ERGIC1: variants seen among roughly 807,000 people sequenced by gnomAD.
ERGIC1 encodes endoplasmic reticulum-Golgi intermediate compartment protein 1.
Under a neutral mutation model 38.3 loss-of-function variants are expected in ERGIC1, and 19 were observed. The observed-to-expected ratio is 0.50, with a 90% CI of 0.35 to 0.73. The LOEUF is 0.73. Ranked by LOEUF, ERGIC1 falls within the 30% of genes least tolerant of loss-of-function variation. ERGIC1 has a pLI of 0.01. For synonymous variants in ERGIC1, 124 were observed against 157.6 expected (o/e 0.79, Z 1.60); for missense variants, 294 against 389.2 (o/e 0.76, Z 2.06).
At chr5:172,865,019 A>T (rs912913434) in intron 1 of ERGIC1, among the ~76,000 whole-genome samples, 1 of 151,830 alleles carries the variant, frequency 6.6e-6, no homozygotes, top group African/African-American at 2.4e-5. Flanking sequence ...CAAATGAAGG[A>T]ATCAAATATC....
rs117280721 is a variant in ERGIC1 at position 172,842,852 on chromosome 5, G to A, written c.20+8419G>A. ...ACATTTTTTGTGCTTTTTAAAATTG[G>A]AGGGTTTTTGGCCAGGCATGGTGAC... On this transcript the variant is annotated intron_variant, in intron 1 of 9. Transcript: ENST00000393784. Among the ~76,000 whole-genome samples, 156 of 152,234 alleles carry A rather than the reference G, an allele frequency of 1.0e-3. 4 individuals are homozygous for A. In the East Asian group the frequency reaches 0.028, roughly 27 times the overall value.
intron 3 of ERGIC1, chr5:172,905,999 T>G: frequency 2.2e-6 from 1 of 452,992 alleles, no homozygotes; most frequent in Non-Finnish European, 4.4e-6. Flanking sequence ...AGAAGCCCGG[T>G]GTTTAAAGGT....
At chr5:172,903,968 TACACACAC>T (rs70984919) in intron 3 of ERGIC1, among the ~76,000 whole-genome samples, 26 of 150,402 alleles carry the variant, frequency 1.7e-4, no homozygotes, top group Non-Finnish European at 3.0e-4. Context: ...GTCTCACACA[TACACACAC>T]ACACACACAC....
intron 1 of ERGIC1, among the ~76,000 whole-genome samples, chr5:172,853,598 C>G (rs1025914630): frequency 6.6e-6 from 1 of 152,228 alleles, no homozygotes; most frequent in African/African-American, 2.4e-5. Context: ...AATGCAGATT[C>G]CCATCTCCCC....
chr5:172,949,001 C>T (rs1365520108), intron 9 of ERGIC1, among the ~76,000 whole-genome samples: 1 of 152,160 alleles, frequency 6.6e-6, no homozygotes, highest in Non-Finnish European at 1.5e-5. Context: ...CTGTGGTGAG[C>T]TATGATCACC....
chr5:172,928,139 A>G (rs1763697648), intron 7 of ERGIC1, among the ~76,000 whole-genome samples: 1 of 152,212 alleles, frequency 6.6e-6, no homozygotes, highest in South Asian at 2.1e-4. Context: ...AAATGTCTGC[A>G]GCTACGATGG....
At chr5:172,884,033 T>C (rs973134108) in intron 1 of ERGIC1, among the ~76,000 whole-genome samples, 4 of 152,172 alleles carry the variant, frequency 2.6e-5, no homozygotes, top group Non-Finnish European at 5.9e-5. Context: ...GCACAGTTAC[T>C]CTTTCCATTT....
intron 1 of ERGIC1, among the ~76,000 whole-genome samples, chr5:172,849,792 A>G (rs762530110): frequency 6.6e-6 from 1 of 152,158 alleles, no homozygotes; most frequent in Non-Finnish European, 1.5e-5. Flanking sequence ...TCTGCACTCA[A>G]CTTGTTTCTG....
chr5:172,877,857 G>A (rs999027641), intron 1 of ERGIC1, among the ~76,000 whole-genome samples: 4 of 152,138 alleles, frequency 2.6e-5, no homozygotes, highest in Non-Finnish European at 5.9e-5. Flanking sequence ...CAGGCCCTGC[G>A]TGACCCACAG....
At chr5:172,857,671 T>C (rs1761586783) in intron 1 of ERGIC1, among the ~76,000 whole-genome samples, 1 of 141,218 alleles carries the variant, frequency 7.1e-6, no homozygotes, top group South Asian at 2.3e-4. Flanking sequence ...CATGGCCACG[T>C]GGTCATGGAA....
In ERGIC1 at chr5:172,834,546, C is replaced by A; in HGVS notation, c.20+113C>A. The A allele has an allele frequency of 1.9e-6, 2 of 1,061,772 alleles. No homozygotes were observed. Among genetic ancestry groups the A allele is most frequent in the Non-Finnish European group, 2.4e-6 (2 of 838,014 alleles). The allele number at this position is 1,061,772 out of a possible 1,614,324, so 65.8% of individuals were successfully genotyped here. A position where few individuals can be genotyped will look rare whatever the true frequency, so the allele number is the denominator to read the frequency against. ...TGCAAAAGCGGCTCCCCGCCCTGTG[C>A]ATGCCTCCGCAGGCCCCTAGGGACC... On this transcript the variant is annotated intron_variant, in intron 1 of 9. Coordinates refer to ENST00000393784, the MANE Select transcript of ERGIC1 (RefSeq NM_001031711.3). The surrounding 1 kb of genome is among the most constrained non-coding windows in gnomAD (Gnocchi z 4.1).
At chr5:172,919,866 A>G (rs1335150180) in intron 5 of ERGIC1, among the ~76,000 whole-genome samples, 1 of 152,182 alleles carries the variant, frequency 6.6e-6, no homozygotes, top group Non-Finnish European at 1.5e-5. Flanking sequence ...AGTCTTTGAA[A>G]GGCTCACACC....
At chr5:172,914,039 A>AGCCTG (rs1398085984) in intron 4 of ERGIC1, among the ~76,000 whole-genome samples, 3 of 152,044 alleles carry the variant, frequency 2.0e-5, no homozygotes. Flanking sequence ...GTTCAAGACC[A>AGCCTG]GCCTGGCCAA....
intron 1 of ERGIC1, among the ~76,000 whole-genome samples, chr5:172,858,326 G>A (rs565735175): frequency 4.6e-5 from 7 of 152,320 alleles, no homozygotes; most frequent in East Asian, 3.9e-4. Context: ...ATAAAACACC[G>A]TAAGGAGTTT....
chr5:172,904,855 G>A (rs1432757149), intron 3 of ERGIC1, among the ~76,000 whole-genome samples: 1 of 152,182 alleles, frequency 6.6e-6, no homozygotes, highest in Non-Finnish European at 1.5e-5. Flanking sequence ...CACAGCCTGG[G>A]GCCCTCCAGG....
intron 9 of ERGIC1, among the ~76,000 whole-genome samples, chr5:172,947,132 G>A (rs1203195226): frequency 1.3e-5 from 2 of 150,358 alleles, no homozygotes; most frequent in Non-Finnish European, 3.0e-5. Flanking sequence ...GCAGTGAGCC[G>A]AGGTCACCCC....
chr5:172,893,905 A>ATATATATG (rs1173039695), intron 2 of ERGIC1, among the ~76,000 whole-genome samples: 23 of 15,522 alleles, frequency 1.5e-3, no homozygotes, highest in Admixed American at 6.9e-3. Context: ...ATATATATAT[A>ATATATATG]TGTGTGTGTG....
At position 172,893,918 on chromosome 5, in the gene ERGIC1, T is replaced by TATACACAC. The variant is rs1162989475; in HGVS notation, c.83-3084_83-3083insATACACAC. On this transcript the variant is annotated intron_variant, in intron 2 of 9. Transcript: ENST00000393784. ...ATATATATATATATGTGTGTGTGTG[T>TATACACAC]GTGTGTGTGTGTGTGTGTATATATA... is the stretch of plus-strand genomic sequence containing the variant. Among the ~76,000 whole-genome samples, 77 of 82,910 alleles carry TATACACAC rather than the reference T, an allele frequency of 9.3e-4. 1 individual carries two copies. The highest frequency in any genetic ancestry group is 3.5e-3 in the African/African-American group (76 of 21,684). The allele number at this position is 82,910 out of a possible 152,430, so 54.4% of individuals were successfully genotyped here.
chr5:172,900,780 G>A (rs1286521298), intron 3 of ERGIC1, among the ~76,000 whole-genome samples: 1 of 152,042 alleles, frequency 6.6e-6, no homozygotes, highest in African/African-American at 2.4e-5. Flanking sequence ...CCTGTGCTAA[G>A]TCAGCGGCTG....
Sources: gnomAD v4.1 joint callset for allele counts (sites outside exome capture counted in the v4.1 genomes callset) on GRCh38, gnomAD v4.1.1 for gene constraint, Gnocchi (gnomAD v3.1) non-coding constraint, MANE v1.5 for transcripts, NCBI Gene and HGNC (gene_info 2026-07-23, HGNC 2026-07-21) for gene names.